The following MAP3K1 variants were observed in gnomAD, a reference collection of about 807,000 sequenced individuals.
MAP3K1 encodes MAP/ERK kinase kinase 1.
A neutral mutation model predicts 144.2 loss-of-function variants in MAP3K1; 36 were observed. That is an observed-to-expected ratio of 0.25 (90% CI 0.19 to 0.33). MAP3K1 has a LOEUF of 0.33. MAP3K1 is among the 10% of genes least tolerant of loss of function. The probability of loss-of-function intolerance (pLI) is 1.00; values close to 1 mark genes in which losing one functional copy is unlikely to be tolerated. For synonymous variants in MAP3K1, 718 were observed against 688.7 expected (o/e 1.04, Z -0.67); for missense variants, 1,650 against 1,881.9 (o/e 0.88, Z 2.28).
chr5:56,878,416 G>A (rs146972348), intron 10 of MAP3K1, among the ~76,000 whole-genome samples: 155 of 152,166 alleles, frequency 1.0e-3, no homozygotes, highest in African/African-American at 3.5e-3. Flanking sequence ...AAACCTGCAC[G>A]TTCTGCACAT....
intron 1 of MAP3K1, among the ~76,000 whole-genome samples, chr5:56,818,149 T>G (rs1016853490): frequency 6.6e-6 from 1 of 152,200 alleles, no homozygotes; most frequent in Non-Finnish European, 1.5e-5. Flanking sequence ...TTATGAAATA[T>G]AGTGAATTTT....
chr5:56,869,189 T>C (rs112228208), intron 6 of MAP3K1, among the ~76,000 whole-genome samples: 4,383 of 152,272 alleles, frequency 0.029, 234 homozygotes, highest in African/African-American at 0.099. Context: ...GAGGATCTCT[T>C]GAGCCCAGAA....
intron 1 of MAP3K1, among the ~76,000 whole-genome samples, chr5:56,822,103 C>T (rs1746173354): frequency 6.6e-6 from 1 of 152,150 alleles, no homozygotes; most frequent in Non-Finnish European, 1.5e-5. Context: ...TCACTGCAGC[C>T]TCTGCCTCCT....
intron 6 of MAP3K1, among the ~76,000 whole-genome samples, chr5:56,869,820 T>A (rs1337774960): frequency 6.6e-6 from 1 of 152,174 alleles, no homozygotes; most frequent in African/African-American, 2.4e-5. Context: ...TATACATCAT[T>A]TCTGTAATGC....
intron 1 of MAP3K1, among the ~76,000 whole-genome samples, chr5:56,853,534 CGATAACACGT>C (rs1747241834): frequency 6.6e-6 from 1 of 152,010 alleles, no homozygotes; most frequent in African/African-American, 2.4e-5. Context: ...GTATAGATGG[CGATAACACGT>C]GGTCCCCTCA....
chr5:56,850,985 T>C (rs1747151615), intron 1 of MAP3K1, among the ~76,000 whole-genome samples: 1 of 152,204 alleles, frequency 6.6e-6, no homozygotes, highest in Non-Finnish European at 1.5e-5. Flanking sequence ...TTGCTCTTGT[T>C]GCCCAGGCTG....
At chr5:56,888,168 A>C (rs1748442992) in intron 18 of MAP3K1, 58 bp from the exon 19 acceptor site, 3 of 1,518,874 alleles carry the variant, frequency 2.0e-6, no homozygotes, top group Non-Finnish European at 2.7e-6. Context: ...ATAACTACAA[A>C]ATGGCCTTCT....
At chr5:56,825,821 C>G (rs73135003) in intron 1 of MAP3K1, among the ~76,000 whole-genome samples, 1 of 152,110 alleles carries the variant, frequency 6.6e-6, no homozygotes, top group Non-Finnish European at 1.5e-5. Flanking sequence ...CTTTTCTTCA[C>G]CCTCAGAATG....
intron 4 of MAP3K1, 121 bp from the exon 5 acceptor site, chr5:56,865,219 A>G: frequency 1.4e-6 from 1 of 694,530 alleles, no homozygotes; most frequent in South Asian, 1.7e-5. Context: ...AAGATAATGA[A>G]GAATATGAAT....
At chr5:56,873,256 A>G (rs565809448) in intron 9 of MAP3K1, among the ~76,000 whole-genome samples, 4 of 152,204 alleles carry the variant, frequency 2.6e-5, no homozygotes, top group African/African-American at 4.8e-5. Context: ...GAACTAACGG[A>G]CATACGGGGT....
rs777903626 is a variant in MAP3K1 at position 56,881,958 on chromosome 5, T to C, written c.2758T>C (p.Leu920=). 16 of 1,613,914 alleles carry C rather than the reference T, an allele frequency of 9.9e-6. No homozygotes were observed. The highest frequency in any genetic ancestry group is 1.3e-5 in the African/African-American group (1 of 74,874). ...KTGKGLCATK[L]SASSEDISER... is the part of the protein sequence containing the mutation. ...TGGAAAAGGATTATGTGCTACAAAATTGAGTGCCAGTTCAGAGGACATTTC... is the reference window on the plus strand; with the variant it reads ...TGGAAAAGGATTATGTGCTACAAAACTGAGTGCCAGTTCAGAGGACATTTC... Residue 920 remains leucine, a synonymous_variant, in exon 14 of 20, where the codon TTG becomes CTG. Coordinates refer to ENST00000399503, the MANE Select transcript of MAP3K1 (RefSeq NM_005921.2).
chr5:56,877,620 C>T (rs753632497), intron 10 of MAP3K1, among the ~76,000 whole-genome samples: 5 of 149,438 alleles, frequency 3.3e-5, no homozygotes, highest in African/African-American at 9.9e-5. Context: ...TCCATTTATT[C>T]TTCCATATAC....
intron 1 of MAP3K1, among the ~76,000 whole-genome samples, chr5:56,840,699 A>G (rs1259498457): frequency 3.9e-5 from 6 of 152,124 alleles, no homozygotes; most frequent in Non-Finnish European, 7.4e-5. Context: ...CTGTGTGGCT[A>G]CAGAGAGCTC....
chr5:56,883,309 G>C (rs139275979), intron 14 of MAP3K1, among the ~76,000 whole-genome samples: 156 of 152,290 alleles, frequency 1.0e-3, no homozygotes, highest in African/African-American at 3.6e-3. Context: ...TGTTTGTACT[G>C]TTTAAACAGC....
intron 7 of MAP3K1, 52 bp from the exon 8 acceptor site, chr5:56,872,584 TAAAAA>T: frequency 1.0e-6 from 1 of 996,350 alleles, no homozygotes; most frequent in South Asian, 1.3e-5. Flanking sequence ...AGTTATGAAA[TAAAAA>T]TAATGTTAAA....
chr5:56,851,960 A>G (rs552836080), intron 1 of MAP3K1: 1 of 152,250 alleles, frequency 6.6e-6, no homozygotes, highest in East Asian at 1.9e-4. Flanking sequence ...CATATACTTA[A>G]TTTTATGATA....
At position 56,835,702 on chromosome 5, in the gene MAP3K1, G is replaced by C. The variant is rs187654521; in HGVS notation, c.482+19647G>C. ...AGATGAAGCATTTTGGGGTTTGGTG[G>C]TTTTTTGTTTTAAGATAAAAAGGGG... On this transcript the variant is annotated intron_variant, in intron 1 of 19. Coordinates refer to ENST00000399503, the MANE Select transcript of MAP3K1 (RefSeq NM_005921.2). Among the ~76,000 whole-genome samples, 764 of 151,958 alleles carry C rather than the reference G, an allele frequency of 5.0e-3. 2 individuals carry two copies. Among genetic ancestry groups the C allele is most frequent in the African/African-American group, 0.017 (720 of 41,420 alleles).
intron 1 of MAP3K1, among the ~76,000 whole-genome samples, chr5:56,822,169 A>G (rs1207360417): frequency 2.0e-5 from 3 of 152,110 alleles, no homozygotes; most frequent in African/African-American, 7.2e-5. Context: ...GATTACAGGC[A>G]TGCCCCACTA....
At chr5:56,826,070 G>T (rs1412174540) in intron 1 of MAP3K1, among the ~76,000 whole-genome samples, 3 of 151,692 alleles carry the variant, frequency 2.0e-5, no homozygotes, top group Admixed American at 2.0e-4. Context: ...TCTCTGGTTG[G>T]ACTGTTGACC....
Sources: gnomAD v4.1 joint callset for allele counts (sites outside exome capture counted in the v4.1 genomes callset) on GRCh38, gnomAD v4.1.1 for gene constraint, MANE v1.5 for transcripts, NCBI Gene and HGNC (gene_info 2026-07-23, HGNC 2026-07-21) for gene names.